Variants in PARD3B observed in about 807,000 individuals in gnomAD.
PARD3B encodes the protein par-3 family cell polarity regulator beta.
PARD3B carries 103 observed loss-of-function variants against 130.2 expected under a neutral mutation model. The ratio of observed to expected loss-of-function variants is 0.79; its 90% CI spans 0.67 to 0.93. PARD3B has a LOEUF of 0.93. Among genes scored for constraint, PARD3B ranks in the 40% least tolerant of loss-of-function variants. The probability of loss-of-function intolerance (pLI) is 0.00; values close to 1 mark genes in which losing one functional copy is unlikely to be tolerated. For missense variants in PARD3B, 1,609 were observed against 1,499.2 expected, an observed-to-expected ratio of 1.07 and a Z score of -1.21; for synonymous variants, 583 against 553.2, an observed-to-expected ratio of 1.05 and a Z score of -0.76.
intron 18 of PARD3B, among the ~76,000 whole-genome samples, chr2:205,319,503 G>T (rs2042676046): frequency 6.6e-6 from 1 of 152,082 alleles, no homozygotes; most frequent in African/African-American, 2.4e-5. Context: ...CTTCCTTACT[G>T]CTATGGTCTG....
At position 205,276,356 on chromosome 2, in the gene PARD3B, A is replaced by C. The variant is rs1038947505; in HGVS notation, c.2186-24174A>C. On this transcript the variant is annotated intron_variant, in intron 16 of 22. Transcript: ENST00000406610. The surrounding 1 kb of genome is among the most constrained non-coding windows in gnomAD (Gnocchi z 5.0). ...AGATCACGAAATCTCAAAGACCTCCAGTTCCTTGGTATTTATACAGCATTT... is the reference window on the plus strand; with the variant it reads ...AGATCACGAAATCTCAAAGACCTCCCGTTCCTTGGTATTTATACAGCATTT... Among the ~76,000 whole-genome samples, 1 of 152,176 alleles carries C rather than the reference A, an allele frequency of 6.6e-6. No homozygotes were observed. Among genetic ancestry groups the C allele is most frequent in the African/African-American group, 2.4e-5 (1 of 41,438 alleles).
At chr2:205,252,847 C>G (rs986505257) in intron 16 of PARD3B, among the ~76,000 whole-genome samples, 1 of 137,854 alleles carries the variant, frequency 7.3e-6, no homozygotes, top group African/African-American at 2.7e-5. Context: ...GACCCCCCCC[C>G]CCCACCAAAA....
At chr2:204,828,057 G>C (rs1416330195) in intron 2 of PARD3B, among the ~76,000 whole-genome samples, 1 of 151,368 alleles carries the variant, frequency 6.6e-6, no homozygotes, top group African/African-American at 2.4e-5. Flanking sequence ...CCAGTGTAGA[G>C]CGTAAAATGT....
intron 22 of PARD3B, among the ~76,000 whole-genome samples, chr2:205,610,147 C>T (rs145505302): frequency 1.1e-4 from 17 of 152,256 alleles, no homozygotes; most frequent in African/African-American, 4.1e-4. Flanking sequence ...TCTGCCTCTC[C>T]TGGGTATGAG....
At chr2:205,063,504 C>A (rs1281174592) in intron 4 of PARD3B, among the ~76,000 whole-genome samples, 1 of 152,006 alleles carries the variant, frequency 6.6e-6, no homozygotes, top group Non-Finnish European at 1.5e-5. Flanking sequence ...GGCAACCACC[C>A]AAATTACCAG....
chr2:205,195,229 A>G (rs573703769), intron 15 of PARD3B, among the ~76,000 whole-genome samples: 2 of 152,332 alleles, frequency 1.3e-5, no homozygotes, highest in South Asian at 2.1e-4. Context: ...ATAAATGACA[A>G]CGATAATAGT....
intron 18 of PARD3B, among the ~76,000 whole-genome samples, chr2:205,395,325 C>T (rs2045989112): frequency 6.6e-6 from 1 of 152,212 alleles, no homozygotes; most frequent in South Asian, 2.1e-4. Context: ...ATCTAATGAA[C>T]GCTTTTCAGT....
chr2:205,390,623 A>G (rs1310173520), intron 18 of PARD3B, among the ~76,000 whole-genome samples: 1 of 152,234 alleles, frequency 6.6e-6, no homozygotes, highest in African/African-American at 2.4e-5. Context: ...TGTTTAGTGC[A>G]GATGAATTCC....
At chr2:205,434,997 A>G (rs1241667928) in intron 19 of PARD3B, among the ~76,000 whole-genome samples, 1 of 152,142 alleles carries the variant, frequency 6.6e-6, no homozygotes, top group African/African-American at 2.4e-5. Flanking sequence ...AAAAGCTCAA[A>G]CTTTAGCATT....
At chr2:204,735,035 A>G (rs1460567725) in intron 2 of PARD3B, among the ~76,000 whole-genome samples, 1 of 145,354 alleles carries the variant, frequency 6.9e-6, no homozygotes, top group Non-Finnish European at 1.5e-5. Context: ...ATGTAGGAGA[A>G]ATTATAGAAT....
intron 21 of PARD3B, among the ~76,000 whole-genome samples, chr2:205,517,082 C>A (rs867352853): frequency 4.0e-5 from 6 of 151,862 alleles, no homozygotes; most frequent in African/African-American, 1.2e-4. Context: ...GATTTTCATA[C>A]GTCGAATCAA....
Position 205,127,295 on chromosome 2 carries a change from T to TC in PARD3B, c.1434+1559dup, listed in dbSNP as rs1314430342. 1.4e-4 allele frequency among the ~76,000 whole-genome samples: 6 copies of TC among 41,888 alleles called. No homozygotes were observed. In the East Asian group the frequency reaches 4.3e-3, roughly 30 times the overall value. The allele number at this position is 41,888 out of a possible 152,430, so 27.5% of individuals were successfully genotyped here. ...CTGGGCAACAGAACGAGACTCTGTC[T>TC]CAAAAAAAAAAAAAAAAAAGGAAAA... is the stretch of plus-strand genomic sequence containing the variant. On this transcript the variant is annotated intron_variant, in intron 10 of 22. Coordinates refer to ENST00000406610, the MANE Select transcript of PARD3B (RefSeq NM_001302769.2).
chr2:204,754,599 T>A (rs2040591693), intron 2 of PARD3B, among the ~76,000 whole-genome samples: 1 of 152,226 alleles, frequency 6.6e-6, no homozygotes, highest in Admixed American at 6.5e-5. Flanking sequence ...CTATTGTTAT[T>A]ACATTATTTT....
intron 2 of PARD3B, among the ~76,000 whole-genome samples, chr2:204,819,940 T>G (rs527387161): frequency 5.8e-4 from 88 of 152,078 alleles, no homozygotes; most frequent in Non-Finnish European, 1.2e-3. Context: ...TCATAGAGTT[T>G]AAGGAAAGAG....
At chr2:204,807,364 G>T (rs2042804699) in intron 2 of PARD3B, among the ~76,000 whole-genome samples, 1 of 152,132 alleles carries the variant, frequency 6.6e-6, no homozygotes, top group African/African-American at 2.4e-5. Context: ...TGAGGATGTG[G>T]AGAAAGGGGA....
chr2:204,854,484 C>A (rs1294713390), intron 2 of PARD3B, among the ~76,000 whole-genome samples: 3 of 152,120 alleles, frequency 2.0e-5, no homozygotes, highest in Admixed American at 1.3e-4. Flanking sequence ...GATAACGAAG[C>A]AGAAAGTATG....
chr2:205,388,304 T>C (rs922264625), intron 18 of PARD3B, among the ~76,000 whole-genome samples: 5 of 152,304 alleles, frequency 3.3e-5, no homozygotes, highest in African/African-American at 4.8e-5. Flanking sequence ...ATCTGTGGTA[T>C]TGAAGAAAGG....
intron 2 of PARD3B, among the ~76,000 whole-genome samples, chr2:204,844,516 A>G (rs982091623): frequency 6.6e-6 from 1 of 152,190 alleles, no homozygotes; most frequent in South Asian, 2.1e-4. Context: ...GCTCTCACAG[A>G]TGTCATTTTA....
At chr2:205,474,863 TTTTACA>T (rs1182114777) in intron 20 of PARD3B, among the ~76,000 whole-genome samples, 2 of 152,150 alleles carry the variant, frequency 1.3e-5, no homozygotes, top group African/African-American at 4.8e-5. Flanking sequence ...TACTGTATCA[TTTTACA>T]TTGAACTTCT....
Sources: gnomAD v4.1 joint callset for allele counts (sites outside exome capture counted in the v4.1 genomes callset) on GRCh38, gnomAD v4.1.1 for gene constraint, Gnocchi (gnomAD v3.1) non-coding constraint, MANE v1.5 for transcripts, NCBI Gene and HGNC (gene_info 2026-07-23, HGNC 2026-07-21) for gene names.